Variants in TMEM38B observed in about 807,000 individuals in gnomAD.
TMEM38B encodes the protein trimeric intracellular cation channel type B.
A neutral mutation model predicts 28.7 loss-of-function variants in TMEM38B; 24 were observed. The ratio of observed to expected loss-of-function variants is 0.84; its 90% CI spans 0.61 to 1.18. TMEM38B has a LOEUF of 1.18. Ranked by LOEUF, TMEM38B falls within the 50% of genes most tolerant of loss-of-function variation. TMEM38B has a pLI of 0.00. For missense variants in TMEM38B, 380 were observed against 350.9 expected (o/e 1.08, Z -0.66); for synonymous variants, 131 against 127.7 (o/e 1.03, Z -0.17).
intron 4 of TMEM38B, among the ~76,000 whole-genome samples, chr9:105,739,818 C>G (rs1490200742): frequency 3.9e-5 from 6 of 151,944 alleles, no homozygotes; most frequent in Admixed American, 2.6e-4. Context: ...AGCCACCATG[C>G]CTGGCCGGTT....
chr9:105,726,176 A>G (rs1229645059), intron 4 of TMEM38B, among the ~76,000 whole-genome samples: 1 of 152,148 alleles, frequency 6.6e-6, no homozygotes, highest in Admixed American at 6.5e-5. Flanking sequence ...GAAATGTACA[A>G]TAAATTATTG....
chr9:105,722,387 A>G, intron 3 of TMEM38B, 147 bp from the exon 4 acceptor site: 1 of 683,068 alleles, frequency 1.5e-6, no homozygotes, highest in East Asian at 2.7e-5. Flanking sequence ...CCCTAAATGT[A>G]CAAGGCAACT....
chr9:105,741,299 G>A (rs1432556345), intron 4 of TMEM38B, among the ~76,000 whole-genome samples: 1 of 152,168 alleles, frequency 6.6e-6, no homozygotes, highest in Non-Finnish European at 1.5e-5. Flanking sequence ...TACAGGATAT[G>A]GTGTGCTGCT....
intron 5 of TMEM38B, among the ~76,000 whole-genome samples, chr9:105,763,329 T>C (rs1364487054): frequency 1.3e-5 from 2 of 152,202 alleles, no homozygotes; most frequent in Non-Finnish European, 2.9e-5. Flanking sequence ...ATGAAGTCCT[T>C]GCCCATGCCT....
At chr9:105,765,049 A>T (rs1321622945) in intron 5 of TMEM38B, among the ~76,000 whole-genome samples, 2 of 152,202 alleles carry the variant, frequency 1.3e-5, no homozygotes, top group East Asian at 3.9e-4. Context: ...CTGAAACTGG[A>T]TCCCTTCCTT....
chr9:105,747,633 T>C (rs1410176353), intron 4 of TMEM38B, among the ~76,000 whole-genome samples: 1 of 152,198 alleles, frequency 6.6e-6, no homozygotes, highest in East Asian at 1.9e-4. Context: ...TGAATGTGTT[T>C]GCTCTTGCTT....
intron 4 of TMEM38B, among the ~76,000 whole-genome samples, chr9:105,741,575 A>T (rs893644947): frequency 1.3e-5 from 2 of 152,222 alleles, no homozygotes; most frequent in Non-Finnish European, 2.9e-5. Context: ...TATCCTTGTT[A>T]TATTGTGGTG....
chr9:105,710,445 C>T (rs755630071), intron 2 of TMEM38B: 20 of 1,385,030 alleles, frequency 1.4e-5, no homozygotes, highest in Non-Finnish European at 1.7e-5. Flanking sequence ...CTGTCATAAT[C>T]ATCATAGCGT....
At chr9:105,760,126 T>G in intron 5 of TMEM38B, 1 of 878,710 alleles carries the variant, frequency 1.1e-6, no homozygotes, top group East Asian at 2.4e-5. Context: ...TGCGCTACAA[T>G]TGTGTCGTTT....
intron 5 of TMEM38B, among the ~76,000 whole-genome samples, chr9:105,761,953 A>G (rs1329765502): frequency 6.6e-6 from 1 of 152,154 alleles, no homozygotes; most frequent in Non-Finnish European, 1.5e-5. Flanking sequence ...AATGCCTCTC[A>G]TCTTAAAACA....
At chr9:105,751,365 C>T (rs1213633319) in intron 5 of TMEM38B, among the ~76,000 whole-genome samples, 1 of 152,192 alleles carries the variant, frequency 6.6e-6, no homozygotes, top group Non-Finnish European at 1.5e-5. Context: ...TTCTCATGGA[C>T]CTTTGCGACC....
chr9:105,705,544 T>C, intron 1 of TMEM38B, 53 bp from the exon 2 acceptor site: 8 of 1,518,878 alleles, frequency 5.3e-6, no homozygotes, highest in Non-Finnish European at 7.1e-6. Context: ...ACTTTGGGGC[T>C]TGTTTAATAA....
chr9:105,759,856 C>A, intron 5 of TMEM38B: 1 of 1,591,342 alleles, frequency 6.3e-7, no homozygotes. Context: ...TCAGAGTTTG[C>A]TTTTAAGAAG....
intron 5 of TMEM38B, among the ~76,000 whole-genome samples, chr9:105,768,406 C>G (rs1826444794): frequency 6.6e-6 from 1 of 151,592 alleles, no homozygotes; most frequent in South Asian, 2.1e-4. Flanking sequence ...TTTTTTTCTC[C>G]TTTTTGTATT....
intron 2 of TMEM38B, among the ~76,000 whole-genome samples, chr9:105,706,880 G>A (rs564419563): frequency 1.3e-5 from 2 of 151,900 alleles, no homozygotes; most frequent in East Asian, 1.9e-4. Flanking sequence ...GGGTTCAAGC[G>A]ATTCTCCTGT....
chr9:105,764,663 TA>T (rs1826298411), intron 5 of TMEM38B, among the ~76,000 whole-genome samples: 1 of 151,252 alleles, frequency 6.6e-6, no homozygotes, highest in African/African-American at 2.4e-5. Context: ...CTGCCCAAGG[TA>T]ATTTACAGAT....
At chr9:105,740,717 GTTTTCCTTC>G (rs949214106) in intron 4 of TMEM38B, among the ~76,000 whole-genome samples, 4 of 152,102 alleles carry the variant, frequency 2.6e-5, no homozygotes, top group Non-Finnish European at 4.4e-5. Context: ...CTTTTAGAGT[GTTTTCCTTC>G]TTTTCCTTCT....
rs1404014913 is a variant in TMEM38B, at chr9:105,776,559, A to C, written c.*2479A>C. On this transcript the variant is annotated 3_prime_UTR_variant, in exon 6 of 6. Coordinates refer to ENST00000374692, the MANE Select transcript of TMEM38B (RefSeq NM_018112.3). ...TGGAACATCCCATGTTGTAAATGGA[A>C]TAATGTGTTCAGAATGCTCTTTCTT... is the stretch of plus-strand genomic sequence containing the variant. 1 of 152,182 alleles carries C rather than the reference A, an allele frequency of 6.6e-6. No individual in the cohort carries two copies. Among genetic ancestry groups the C allele is most frequent in the Non-Finnish European group, 1.5e-5 (1 of 68,034 alleles). 9.4% of individuals were successfully genotyped at this position (152,182 alleles called of 1,614,324 possible).
intron 1 of TMEM38B, among the ~76,000 whole-genome samples, chr9:105,703,818 A>G (rs988599325): frequency 6.6e-6 from 1 of 151,808 alleles, no homozygotes; most frequent in Non-Finnish European, 1.5e-5. Context: ...GCATTTTTTC[A>G]TGTGTTTTTT....
Sources: allele counts gnomAD v4.1 joint callset (sites outside exome capture counted in the v4.1 genomes callset), GRCh38; gene constraint gnomAD v4.1.1; transcripts MANE v1.5; gene names NCBI Gene and HGNC (gene_info 2026-07-23, HGNC 2026-07-21).